The following GCM1 variants were observed in gnomAD, a reference collection of about 807,000 sequenced individuals.
The protein encoded by GCM1 is chorion-specific transcription factor GCMa.
GCM1 carries 2 observed loss-of-function variants against 25.7 expected under a neutral mutation model. The observed-to-expected ratio is 0.08, with a 90% CI of 0.03 to 0.24. GCM1 has a LOEUF of 0.24. Among genes scored for constraint, GCM1 ranks in the 10% least tolerant of loss-of-function variants. The pLI is 1.00. For synonymous variants in GCM1, 183 were observed against 195.7 expected (o/e 0.94, Z 0.54); for missense variants, 395 against 538.7 (o/e 0.73, Z 2.64).
chr6:53,128,813 C>A lies in GCM1; in HGVS notation c.704G>T (p.Cys235Phe). The change falls in exon 6 of 6, where the codon TGC (cysteine) becomes TTC (phenylalanine). Residue 235 changes from cysteine to phenylalanine, a missense_variant. Physicochemically the swap from Cys to Phe is radical, Grantham distance 205. This residue lies in a region of GCM1 where 291 missense variants were observed against 314.6 expected (regional missense o/e 0.92). Transcript: ENST00000259803. The stretch of plus-strand genomic sequence containing the variant: ...ACCATAACTCTTGGAGAAGGAAAAG[C>A]AATCATTTAGTGAGTTCTGCTGAGG... ...NTPQQNSLND[C>F]FSFSKSYGLG... The A allele has an allele frequency of 6.2e-7, 1 of 1,613,880 alleles. No homozygotes were observed. Among genetic ancestry groups the A allele is most frequent in the Non-Finnish European group, 8.5e-7 (1 of 1,179,772 alleles).
intron 1 of GCM1, among the ~76,000 whole-genome samples, chr6:53,146,325 C>T (rs1581857470): frequency 6.7e-6 from 1 of 149,720 alleles, no homozygotes; most frequent in Non-Finnish European, 1.5e-5. Flanking sequence ...GTTCAAGCAA[C>T]TCTCCTGCCT....
At chr6:53,134,977 C>T (rs1763778824) in intron 2 of GCM1, among the ~76,000 whole-genome samples, 1 of 152,166 alleles carries the variant, frequency 6.6e-6, no homozygotes, top group Admixed American at 6.6e-5. Context: ...ACTTTCTTCC[C>T]CAGAGATTTT....
At position 53,133,649 on chromosome 6, in the gene GCM1, A is replaced by G. The variant is rs115779354; in HGVS notation, c.328+423T>C. ...TGTGACCACAGGCATATGCAACCAC[A>G]CCCGACTAATTTTTAAATTTTTTTG... On this transcript the variant is annotated intron_variant, in intron 3 of 5. Transcript: ENST00000259803. Among the ~76,000 whole-genome samples the G allele has an allele frequency of 9.7e-3, 1,470 of 151,922 alleles. 26 individuals are homozygous for G. Among genetic ancestry groups the G allele is most frequent in the African/African-American group, 0.034 (1,422 of 41,422 alleles).
At position 53,143,127 on chromosome 6, in the gene GCM1, T is replaced by C. The variant is rs138183448; in HGVS notation, c.75+2431A>G. Among the ~76,000 whole-genome samples the C allele has an allele frequency of 7.4e-4, 113 of 152,268 alleles. 1 individual carries two copies. Among genetic ancestry groups the C allele is most frequent in the African/African-American group, 2.6e-3 (109 of 41,558 alleles). On this transcript the variant is annotated intron_variant, in intron 2 of 5. Transcript: ENST00000259803. ...TCTACTCAGAAAATACTAAGGAATA[T>C]TTGCATTTTAAATCATTTCCCCGAC...
rs577698181 is a variant in GCM1 at position 53,147,843 on chromosome 6, C to CT, written c.-137+910dup. Among the ~76,000 whole-genome samples the CT allele has an allele frequency of 9.2e-4, 140 of 152,100 alleles. 1 individual carries two copies. Among genetic ancestry groups the CT allele is most frequent in the African/African-American group, 3.1e-3 (127 of 41,510 alleles). On this transcript the variant is annotated intron_variant, in intron 1 of 5. Transcript: ENST00000259803. ...TGACCTGAACATAAGAATGAAGTTC[C>CT]TTTTTTCTTTTTTGTGTGTGCTCTA...
intron 2 of GCM1, among the ~76,000 whole-genome samples, chr6:53,144,241 G>A (rs1763921013): frequency 6.6e-6 from 1 of 151,934 alleles, no homozygotes; most frequent in Non-Finnish European, 1.5e-5. Flanking sequence ...GGGCAACATT[G>A]TGAGACCCTC....
chr6:53,130,985 G>GTATCAGT, intron 4 of GCM1, 54 bp from the exon 5 acceptor site: 1 of 1,502,196 alleles, frequency 6.7e-7, no homozygotes, highest in South Asian at 1.1e-5. Flanking sequence ...ACTAGACTGT[G>GTATCAGT]TTTCATGGTG....
At chr6:53,145,527 T>C (rs368938078) in intron 2 of GCM1, 31 bp downstream of exon 2, 6 of 1,142,954 alleles carry the variant, frequency 5.2e-6, no homozygotes, top group Middle Eastern at 1.9e-4. Context: ...CAGCCCAATG[T>C]TGAAGGCAGA....
Position 53,128,040 on chromosome 6 carries a change from A to AAAAAAAAAAAAAAG in GCM1, c.*152_*165dup. ...CAAGACTCTGTCTCAAAAAAAAAAA[A>AAAAAAAAAAAAAAG]AAAAAAAAAAAAAGAAGGAAAAAAG... is the stretch of plus-strand genomic sequence containing the variant. On this transcript the variant is annotated 3_prime_UTR_variant, in exon 6 of 6. Coordinates refer to ENST00000259803, the MANE Select transcript of GCM1 (RefSeq NM_003643.4). The AAAAAAAAAAAAAAG allele has an allele frequency of 3.4e-6, 1 of 294,132 alleles. No individual in the cohort carries two copies. Among genetic ancestry groups the AAAAAAAAAAAAAAG allele is most frequent in the Non-Finnish European group, 6.2e-6 (1 of 161,932 alleles). 18.2% of individuals were successfully genotyped at this position (294,132 alleles called of 1,614,324 possible). A position where few individuals can be genotyped will look rare whatever the true frequency, so the allele number is the denominator to read the frequency against.
chr6:53,128,028 CA>C lies in GCM1; in HGVS notation c.*177del, dbSNP rs1223691364. 0.15 allele frequency: 10,129 copies of C among 65,718 alleles called. 69 individuals carry two copies. The highest frequency in any genetic ancestry group is 0.17 in the Non-Finnish European group (6,882 of 40,192). The allele number at this position is 65,718 out of a possible 1,614,324, so 4.1% of individuals were successfully genotyped here. The stretch of plus-strand genomic sequence containing the variant: ...TGGGCAAAAGAGCAAGACTCTGTCT[CA>C]AAAAAAAAAAAAAAAAAAAAAAAAG... On this transcript the variant is annotated 3_prime_UTR_variant, in exon 6 of 6. Transcript: ENST00000259803.
At position 53,131,380 on chromosome 6, in the gene GCM1, G is replaced by C. The variant is rs576460199; in HGVS notation, c.442-449C>G. Among the ~76,000 whole-genome samples, 3 of 152,302 alleles carry C rather than the reference G, an allele frequency of 2.0e-5. No individual in the cohort carries two copies. The South Asian group carries it at 6.2e-4, about 32-fold the overall frequency. ...CCTACCTGGAGCTGGCCAAAGCTGA[G>C]AGTCAATAGTTAAACATTCAGGAAT... On this transcript the variant is annotated intron_variant, in intron 4 of 5. Coordinates refer to ENST00000259803, the MANE Select transcript of GCM1 (RefSeq NM_003643.4).
chr6:53,134,071 C>T lies in GCM1; in HGVS notation c.328+1G>A. On this transcript the variant is annotated splice_donor_variant, in intron 3 of 5. Transcript: ENST00000259803. LOFTEE classifies it high-confidence loss of function. Reference sequence around the variant, plus strand: ...TGCTGGTGCCACTAAGCTCTACTCACGCTGCTGCTTCTGCCGGGCCTTGTC... The same window carrying T: ...TGCTGGTGCCACTAAGCTCTACTCATGCTGCTGCTTCTGCCGGGCCTTGTC... 2 of 1,613,692 alleles carry T rather than the reference C, an allele frequency of 1.2e-6. No homozygotes were observed. The highest frequency in any genetic ancestry group is 1.7e-6 in the Non-Finnish European group (2 of 1,179,630).
At chr6:53,134,018 A>C in intron 3 of GCM1, 54 bp downstream of exon 3, 1 of 1,547,262 alleles carries the variant, frequency 6.5e-7, no homozygotes, top group Non-Finnish European at 8.8e-7. Flanking sequence ...CCCATCTGGC[A>C]GGGGCATCTG....
chr6:53,137,026 T>C (rs1392857723), intron 2 of GCM1, among the ~76,000 whole-genome samples: 1 of 152,064 alleles, frequency 6.6e-6, no homozygotes, highest in Non-Finnish European at 1.5e-5. Flanking sequence ...AATAAAAGCT[T>C]AATTGGTGCA....
intron 1 of GCM1, 58 bp from the exon 2 acceptor site, chr6:53,145,826 A>C: frequency 3.3e-5 from 16 of 485,816 alleles, no homozygotes; most frequent in East Asian, 1.5e-4. Context: ...AAAAACCCCA[A>C]TGCTCCTCTG....
At chr6:53,147,832 G>T (rs1431569069) in intron 1 of GCM1, among the ~76,000 whole-genome samples, 1 of 152,166 alleles carries the variant, frequency 6.6e-6, no homozygotes, top group Non-Finnish European at 1.5e-5. Context: ...CTGAACATAA[G>T]AATGAAGTTC....
chr6:53,130,228 C>T (rs1763704655), intron 5 of GCM1, among the ~76,000 whole-genome samples: 2 of 152,164 alleles, frequency 1.3e-5, no homozygotes, highest in Non-Finnish European at 2.9e-5. Context: ...ATAGGAACTA[C>T]TATCAATATT....
At chr6:53,133,951 C>A in intron 3 of GCM1, 121 bp downstream of exon 3, 2 of 972,560 alleles carry the variant, frequency 2.1e-6, no homozygotes, top group Non-Finnish European at 3.1e-6. Context: ...ACAGCCTTGG[C>A]TGCCACTACA....
chr6:53,135,125 CT>C (rs1352224909), intron 2 of GCM1, among the ~76,000 whole-genome samples: 1 of 152,208 alleles, frequency 6.6e-6, no homozygotes, highest in East Asian at 1.9e-4. Context: ...TGACTAAACT[CT>C]CCTTTAAAAC....
Sources: allele counts gnomAD v4.1 joint callset (sites outside exome capture counted in the v4.1 genomes callset), GRCh38; gene constraint gnomAD v4.1.1; regional missense constraint gnomAD v4.1.1; transcripts MANE v1.5; gene names NCBI Gene and HGNC (gene_info 2026-07-23, HGNC 2026-07-21).